BCAS4: variants seen among roughly 807,000 people sequenced by gnomAD.
BCAS4 encodes breast carcinoma amplified sequence 4, also known as breast carcinoma-amplified sequence 4.
In BCAS4, 9 loss-of-function variants were observed where a neutral mutation model predicts 15.7. That is an observed-to-expected ratio of 0.57 (90% CI 0.34 to 1.00). BCAS4 has a LOEUF of 1.00. Among genes scored for constraint, BCAS4 ranks in the 50% least tolerant of loss-of-function variants. The pLI is 0.02. For missense variants in BCAS4, 225 were observed against 239.1 expected, an observed-to-expected ratio of 0.94 and a Z score of 0.39; for synonymous variants, 101 against 99.5, an observed-to-expected ratio of 1.02 and a Z score of -0.09.
intron 4 of BCAS4, among the ~76,000 whole-genome samples, chr20:50,844,325 T>C (rs947506713): frequency 1.3e-5 from 2 of 152,108 alleles, no homozygotes; most frequent in Non-Finnish European, 2.9e-5. Flanking sequence ...CCCTAGCTAC[T>C]CAGGAGGCTG....
chr20:50,882,527 A>G, the BCAS4 span: 4 of 152,242 alleles, frequency 2.6e-5, no homozygotes, highest in Admixed American at 2.6e-4. Flanking sequence ...CTCTGGAAGG[A>G]TAAACACAAA....
In BCAS4 at chr20:50,826,457, C is replaced by T. The variant is rs115024226; in HGVS notation, c.163-3822C>T. Reference sequence around the variant, plus strand: ...GAAGCTGTAGATCCAGACCTAATTACTTGAATTTTTAAAACCATATTTATG... The same window carrying T: ...GAAGCTGTAGATCCAGACCTAATTATTTGAATTTTTAAAACCATATTTATG... On this transcript the variant is annotated intron_variant, in intron 2 of 4. Coordinates refer to ENST00000371608, the MANE Select transcript of BCAS4 (RefSeq NM_198799.4). Among the ~76,000 whole-genome samples the T allele has an allele frequency of 2.6e-3, 398 of 152,302 alleles. 3 individuals are homozygous for T. The highest frequency in any genetic ancestry group is 9.3e-3 in the African/African-American group (386 of 41,562).
intron 1 of BCAS4, among the ~76,000 whole-genome samples, chr20:50,807,901 T>G (rs986251935): frequency 1.3e-4 from 19 of 146,954 alleles, no homozygotes; most frequent in African/African-American, 3.5e-4. Context: ...TGCCACATAT[T>G]CTTTTTTTTT....
At chr20:50,840,501 C>T in intron 3 of BCAS4, 1 of 1,223,990 alleles carries the variant, frequency 8.2e-7, no homozygotes, top group Non-Finnish European at 1.2e-6. Context: ...GCAGCACAGT[C>T]ATTTAAACTT....
At chr20:50,819,739 C>T (rs2088190081) in intron 2 of BCAS4, among the ~76,000 whole-genome samples, 1 of 152,102 alleles carries the variant, frequency 6.6e-6, no homozygotes, top group African/African-American at 2.4e-5. Context: ...CCTGGATTGT[C>T]CTTTCTTTAC....
chr20:50,848,054 C>T (rs756048338), intron 4 of BCAS4, among the ~76,000 whole-genome samples: 7 of 151,144 alleles, frequency 4.6e-5, no homozygotes, highest in Admixed American at 6.6e-5. Flanking sequence ...ATAGCAACAA[C>T]AACAAAAAAA....
intron 4 of BCAS4, among the ~76,000 whole-genome samples, chr20:50,850,825 T>A (rs1451329177): frequency 6.6e-6 from 1 of 152,200 alleles, no homozygotes; most frequent in Non-Finnish European, 1.5e-5. Flanking sequence ...CAATAAATAG[T>A]CATCAGCAGA....
chr20:50,795,309 G>A, intron 1 of BCAS4, 136 bp downstream of exon 1: 1 of 815,552 alleles, frequency 1.2e-6, no homozygotes, highest in Admixed American at 4.2e-5. Context: ...CCTGAAGGGT[G>A]GCTGCGGGGC....
intron 2 of BCAS4, among the ~76,000 whole-genome samples, chr20:50,820,526 C>T (rs974826708): frequency 2.0e-5 from 3 of 152,090 alleles, no homozygotes; most frequent in East Asian, 1.9e-4. Context: ...ATCGTGGTTG[C>T]GGGCAGGGAA....
intron 3 of BCAS4, among the ~76,000 whole-genome samples, chr20:50,832,229 C>T (rs1183400134): frequency 1.3e-5 from 2 of 151,138 alleles, no homozygotes; most frequent in Non-Finnish European, 3.0e-5. Flanking sequence ...GGACGCTGCC[C>T]AATTTTAAAA....
chr20:50,799,516 C>G (rs1330335845), intron 1 of BCAS4, among the ~76,000 whole-genome samples: 1 of 152,176 alleles, frequency 6.6e-6, no homozygotes, highest in African/African-American at 2.4e-5. Flanking sequence ...AGTTTGCGAA[C>G]AGACCTGGAC....
In BCAS4 at chr20:50,868,930, G is replaced by T. The variant is rs16995552; in HGVS notation, c.400-7556G>T. ...TAAGGTGGCCCGTTGAGCTGACAGG[G>T]CGTCTCAAGGAAGTAGTCAGGGACC... On this transcript the variant is annotated intron_variant, in intron 4 of 4. Coordinates refer to ENST00000371608, the MANE Select transcript of BCAS4 (RefSeq NM_198799.4). 7.2e-3 allele frequency among the ~76,000 whole-genome samples: 1,102 copies of T among 152,310 alleles called. 27 individuals are homozygous for T. Among genetic ancestry groups the T allele is most frequent in the African/African-American group, 0.025 (1,057 of 41,558 alleles).
At chr20:50,824,620 G>A (rs1041040360) in intron 2 of BCAS4, among the ~76,000 whole-genome samples, 1 of 152,220 alleles carries the variant, frequency 6.6e-6, no homozygotes, top group Non-Finnish European at 1.5e-5. Flanking sequence ...AGTTGGAGAT[G>A]AGAAATGTGT....
chr20:50,800,433 C>A (rs960041749), intron 1 of BCAS4, among the ~76,000 whole-genome samples: 2 of 152,046 alleles, frequency 1.3e-5, no homozygotes, highest in African/African-American at 4.8e-5. Flanking sequence ...CACTGCTTTC[C>A]CCAGATGGAG....
rs550628520 is a variant in BCAS4 at position 50,841,877 on chromosome 20, G to T, written c.376G>T (p.Ala126Ser). The change falls in exon 4 of 5, where the codon GCA (alanine) becomes TCA (serine). Residue 126 changes from alanine (A) to serine (S), a missense_variant. Transcript: ENST00000371608. The stretch of plus-strand genomic sequence containing the variant: ...GGCCCTGCGGAGGTGGCTGGGATCC[G>T]CAGGGCTCCCCTCCTTCAGGAACGT... Reference protein sequence around the residue: ...PQALRRWLGSAGLPSFRNKSP... With the variant: ...PQALRRWLGSSGLPSFRNKSP... 3.8e-6 allele frequency: 6 copies of T among 1,594,954 alleles called. No homozygotes were observed. In the East Asian group the frequency reaches 9.0e-5, roughly 24 times the overall value.
intron 4 of BCAS4, among the ~76,000 whole-genome samples, chr20:50,844,227 A>G (rs1198002338): frequency 1.3e-5 from 2 of 152,024 alleles, no homozygotes; most frequent in East Asian, 1.9e-4. Context: ...AGGTGGGAGG[A>G]TTGCTTGAGT....
intron 4 of BCAS4, among the ~76,000 whole-genome samples, chr20:50,868,424 T>C (rs1979463886): frequency 6.6e-6 from 1 of 152,208 alleles, no homozygotes; most frequent in Non-Finnish European, 1.5e-5. Flanking sequence ...GGTGATCCTT[T>C]CTTTCTTTCT....
rs988496902 is a variant in BCAS4 at position 50,829,751 on chromosome 20, C to G, written c.163-528C>G. ...CTTCATACAGTTCACTTTTGGGGCC[C>G]TTGCCAAGCAGAAGAAAATGAAAAC... On this transcript the variant is annotated intron_variant, in intron 2 of 4. Transcript: ENST00000371608. Among the ~76,000 whole-genome samples, 5 of 151,894 alleles carry G rather than the reference C, an allele frequency of 3.3e-5. No homozygotes were observed. The East Asian group carries it at 7.7e-4, about 24-fold the overall frequency.
chr20:50,870,222 C>T (rs753605486), intron 4 of BCAS4, among the ~76,000 whole-genome samples: 69 of 152,206 alleles, frequency 4.5e-4, no homozygotes, highest in Admixed American at 7.2e-4. Flanking sequence ...ATTTTGCTGA[C>T]CCTGACCCAA....
Sources: gnomAD v4.1 joint callset for allele counts (sites outside exome capture counted in the v4.1 genomes callset) on GRCh38, gnomAD v4.1.1 for gene constraint, MANE v1.5 for transcripts, NCBI Gene and HGNC (gene_info 2026-07-23, HGNC 2026-07-21) for gene names.